The following PALM2AKAP2 variants were observed in gnomAD, a reference collection of about 807,000 sequenced individuals.
The protein encoded by PALM2AKAP2 is PALM2-AKAP2 fusion protein.
PALM2AKAP2 carries 37 observed loss-of-function variants against 71.5 expected under a neutral mutation model. The ratio of observed to expected loss-of-function variants is 0.52; its 90% CI spans 0.40 to 0.68. The LOEUF is 0.68. Ranked by LOEUF, PALM2AKAP2 falls within the 30% of genes least tolerant of loss-of-function variation. The pLI, the probability that PALM2AKAP2 is intolerant of heterozygous loss-of-function variation, is 0.00. For synonymous variants in PALM2AKAP2, 468 were observed against 478.8 expected (o/e 0.98, Z 0.29); for missense variants, 1,224 against 1,191.8 (o/e 1.03, Z -0.40).
At chr9:109,775,960 C>A (rs139615616), upstream of PALM2AKAP2, among the ~76,000 whole-genome samples, 1 of 152,164 alleles carries the variant, frequency 6.6e-6, no homozygotes, top group African/African-American at 2.4e-5. Flanking sequence ...ACCACTAAAC[C>A]GTACAGATGG....
chr9:109,974,048 T>A (rs911531749), intron 6 of PALM2AKAP2, among the ~76,000 whole-genome samples: 1 of 152,192 alleles, frequency 6.6e-6, no homozygotes, highest in Non-Finnish European at 1.5e-5. Flanking sequence ...AGGACACATG[T>A]AAAGTATGAC....
intron 1 of PALM2AKAP2, among the ~76,000 whole-genome samples, chr9:109,702,758 A>G (rs1259318615): frequency 2.0e-5 from 3 of 151,504 alleles, no homozygotes; most frequent in African/African-American, 7.3e-5. Flanking sequence ...ATAATAAAAA[A>G]AAAAAAAGAA....
intron 6 of PALM2AKAP2, among the ~76,000 whole-genome samples, chr9:109,979,372 A>T (rs1037916173): frequency 6.6e-6 from 1 of 152,200 alleles, no homozygotes; most frequent in Non-Finnish European, 1.5e-5. Context: ...CGCCTGTCTT[A>T]AGAGTCTGAG....
intron 7 of PALM2AKAP2, among the ~76,000 whole-genome samples, chr9:110,031,210 C>T (rs1351580125): frequency 6.6e-6 from 1 of 152,162 alleles, no homozygotes; most frequent in Admixed American, 6.5e-5. Context: ...GCAACCTCCA[C>T]CTCCCAGGTT....
At chr9:109,798,548 A>G (rs753561139) in intron 1 of PALM2AKAP2, among the ~76,000 whole-genome samples, 13 of 152,222 alleles carry the variant, frequency 8.5e-5, no homozygotes, top group Non-Finnish European at 1.3e-4. Context: ...GCATAGAACC[A>G]CATTTCACGC....
intron 1 of PALM2AKAP2, among the ~76,000 whole-genome samples, chr9:109,783,425 A>G (rs910053618): frequency 2.6e-5 from 4 of 151,718 alleles, no homozygotes; most frequent in African/African-American, 9.7e-5. Context: ...CAGCCTCCCC[A>G]GTAGCTGGGA....
intron 1 of PALM2AKAP2, among the ~76,000 whole-genome samples, chr9:110,109,082 C>T (rs1427957084): frequency 6.6e-6 from 1 of 151,996 alleles, no homozygotes; most frequent in Non-Finnish European, 1.5e-5. Flanking sequence ...CTTTGGGAGG[C>T]CGAGGCAGGT....
In PALM2AKAP2 at chr9:110,017,521, G is replaced by A. The variant is rs747594210; in HGVS notation, c.582+1482G>A. ...GTTTCAGTCTATGACCACATTGGAC[G>A]AAGGGGAATGGGTGCCAATAGTAAA... On this transcript the variant is annotated intron_variant, in intron 7 of 9. Coordinates refer to the PALM2AKAP2 transcript ENST00000302798. Among the ~76,000 whole-genome samples the A allele has an allele frequency of 1.1e-4, 17 of 152,188 alleles. 1 individual carries two copies. Among genetic ancestry groups the A allele is most frequent in the South Asian group, 2.1e-4 (1 of 4,830 alleles).
intron 6 of PALM2AKAP2, chr9:109,942,782 A>G: frequency 6.2e-7 from 1 of 1,614,180 alleles, no homozygotes; most frequent in Non-Finnish European, 8.5e-7. Flanking sequence ...GGGGTCCATC[A>G]GAAAGGAGTC....
intron 1 of PALM2AKAP2, among the ~76,000 whole-genome samples, chr9:109,680,729 A>G (rs2118516305): frequency 6.6e-6 from 1 of 152,362 alleles, no homozygotes; most frequent in Middle Eastern, 3.4e-3. Flanking sequence ...GGTGTGCATA[A>G]TAGTTATTTT....
chr9:109,879,377 G>A (rs549582313), intron 2 of PALM2AKAP2, among the ~76,000 whole-genome samples: 94 of 152,310 alleles, frequency 6.2e-4, no homozygotes, highest in Non-Finnish European at 1.0e-3. Flanking sequence ...CATGTGCCCT[G>A]CATCCTCACT....
Position 109,831,169 on chromosome 9 carries a change from A to G in PALM2AKAP2, c.46-36322A>G, listed in dbSNP as rs1435354899. Among the ~76,000 whole-genome samples the G allele has an allele frequency of 6.7e-5, 10 of 148,216 alleles. No homozygotes were observed. In the Admixed American group the frequency reaches 6.8e-4, roughly 10 times the overall value. ...CACACACACACACACACACACACAC[A>G]CACACACACACACAAGCATAAATAG... On this transcript the variant is annotated intron_variant, in intron 1 of 9. Coordinates refer to the PALM2AKAP2 transcript ENST00000302798.
At chr9:109,984,939 C>G (rs554439858) in intron 6 of PALM2AKAP2, among the ~76,000 whole-genome samples, 12 of 152,108 alleles carry the variant, frequency 7.9e-5, no homozygotes, top group Admixed American at 4.6e-4. Flanking sequence ...CTTTGGGAGG[C>G]CAAAGCAGGT....
Position 109,713,587 on chromosome 9 carries a change from T to C in PALM2AKAP2, c.6-66901T>C, listed in dbSNP as rs190215387. ...ACAACAAAAGCTGTTATTATTACCT[T>C]GTTGAAAATCAAATGAGTTTCCAAG... On this transcript the variant is annotated intron_variant, in intron 1 of 6. Coordinates refer to the PALM2AKAP2 transcript ENST00000374531. Among the ~76,000 whole-genome samples the C allele has an allele frequency of 6.6e-5, 10 of 152,328 alleles. No individual in the cohort carries two copies. The East Asian group carries it at 1.9e-3, about 29-fold the overall frequency.
intron 3 of PALM2AKAP2, among the ~76,000 whole-genome samples, chr9:109,881,947 A>C (rs969025594): frequency 5.0e-5 from 7 of 138,752 alleles, no homozygotes; most frequent in African/African-American, 1.8e-4. Flanking sequence ...ACAGTGGCAC[A>C]ATCTTGGCTC....
chr9:109,960,359 T>G (rs944388332), intron 6 of PALM2AKAP2, among the ~76,000 whole-genome samples: 1 of 152,218 alleles, frequency 6.6e-6, no homozygotes, highest in African/African-American at 2.4e-5. Flanking sequence ...TCTGTATTCA[T>G]TGGATAAAAT....
chr9:109,848,619 G>A (rs566136632), intron 1 of PALM2AKAP2, among the ~76,000 whole-genome samples: 1 of 152,144 alleles, frequency 6.6e-6, no homozygotes, highest in East Asian at 1.9e-4. Flanking sequence ...ATTCATTTAT[G>A]TATTGTCTAT....
chr9:110,070,107 G>A lies in PALM2AKAP2; in HGVS notation c.156+21252G>A, dbSNP rs574566389. Among the ~76,000 whole-genome samples the A allele has an allele frequency of 1.9e-4, 29 of 152,230 alleles. No homozygotes were observed. In the South Asian group the frequency reaches 4.6e-3, roughly 24 times the overall value. ...TTGTGACCATGACTCCTAGCAGAGC[G>A]GTACTGACAACCTAGTACAAAACCC... is the stretch of plus-strand genomic sequence containing the variant. On this transcript the variant is annotated intron_variant, in intron 1 of 3. Coordinates refer to ENST00000374525, the Ensembl canonical transcript of PALM2AKAP2.
intron 1 of PALM2AKAP2, among the ~76,000 whole-genome samples, chr9:110,097,943 G>C (rs536685965): frequency 1.4e-5 from 2 of 141,696 alleles, no homozygotes; most frequent in South Asian, 2.2e-4. Flanking sequence ...CGGATCACTC[G>C]TGGTAAGGAG....
Sources: allele counts gnomAD v4.1 joint callset (sites outside exome capture counted in the v4.1 genomes callset), GRCh38; gene constraint gnomAD v4.1.1; transcripts MANE v1.5; gene names NCBI Gene and HGNC (gene_info 2026-07-23, HGNC 2026-07-21).